Variants in PRKN observed in about 807,000 individuals in gnomAD.
PRKN encodes E3 ubiquitin-protein ligase parkin.
In PRKN, 56 loss-of-function variants were observed where a neutral mutation model predicts 59.5. The ratio of observed to expected loss-of-function variants is 0.94; its 90% confidence interval spans 0.76 to 1.18. The LOEUF (loss-of-function observed/expected upper bound fraction) is 1.18. Among genes scored for constraint, PRKN ranks in the 50% most tolerant of loss-of-function variants. PRKN has a pLI of 0.00. For synonymous variants in PRKN, 250 were observed against 222.1 expected (o/e 1.13, Z -1.12); for missense variants, 657 against 596.4 (o/e 1.10, Z -1.06).
intron 5 of PRKN, among the ~76,000 whole-genome samples, chr6:162,046,359 C>T (rs1185056162): frequency 6.6e-6 from 1 of 152,182 alleles, no homozygotes; most frequent in Non-Finnish European, 1.5e-5. Flanking sequence ...AAGTGCGATA[C>T]AAACTATAGA....
Position 161,703,839 on chromosome 6 carries a change from CTTTTTTTTTTTTTTT to C in PRKN, c.871+81918_871+81932del, listed in dbSNP as rs71004062. ...CACACATCTCTCTCTCTCTCTCTCT[CTTTTTTTTTTTTTTT>C]TTTTTTTTTTTTTTTTTTTTTTACA... On this transcript the variant is annotated intron_variant, in intron 7 of 11. Coordinates refer to ENST00000366898, the MANE Select transcript of PRKN (RefSeq NM_004562.3). 9.2e-3 allele frequency among the ~76,000 whole-genome samples: 553 copies of C among 59,858 alleles called. 8 individuals are homozygous for C. Among genetic ancestry groups the C allele is most frequent in the African/African-American group, 0.029 (489 of 16,792 alleles). The allele number at this position is 59,858 out of a possible 152,430, so 39.3% of individuals were successfully genotyped here. A position where few individuals can be genotyped will look rare whatever the true frequency, so the allele number is the denominator to read the frequency against.
chr6:161,547,478 C>A lies in PRKN; in HGVS notation c.1083+1376G>T, dbSNP rs1036779377. Among the ~76,000 whole-genome samples, 1 of 152,196 alleles carries A rather than the reference C, an allele frequency of 6.6e-6. No individual in the cohort carries two copies. Among genetic ancestry groups the A allele is most frequent in the Admixed American group, 6.5e-5 (1 of 15,280 alleles). On this transcript the variant is annotated intron_variant, in intron 9 of 11. Transcript: ENST00000366898. The surrounding 1 kb of genome is among the most constrained non-coding windows in gnomAD (Gnocchi z 4.0). ...TTCAACATTCTTAAAGCAAGGTCAA[C>A]AACCAAATGCAAAAGATGGGCCAGC...
rs970641123 is a variant in PRKN at position 161,480,285 on chromosome 6, A to T, written c.1083+68569T>A. Among the ~76,000 whole-genome samples, 2 of 152,126 alleles carry T rather than the reference A, an allele frequency of 1.3e-5. No individual in the cohort carries two copies. Among genetic ancestry groups the T allele is most frequent in the Non-Finnish European group, 2.9e-5 (2 of 68,002 alleles). ...TTCAAGATATTAGCAGTAGAGCCTC[A>T]AACTCTGGGGGGCCCTGTGAGTATG... On this transcript the variant is annotated intron_variant, in intron 9 of 11. Transcript: ENST00000366898. This position sits in a 1 kb window ranked among gnomAD's most constrained non-coding sequence, Gnocchi z 4.1.
At chr6:162,568,672 C>T in intron 1 of PRKN, 1 of 891,442 alleles carries the variant, frequency 1.1e-6, no homozygotes, top group Non-Finnish European at 1.9e-6. Flanking sequence ...ATGCTAGAGA[C>T]CAAGTGGAGC....
intron 9 of PRKN, among the ~76,000 whole-genome samples, chr6:161,509,903 AG>A (rs67262460): frequency 0.43 from 48,154 of 112,880 alleles, 10,488 homozygotes; most frequent in Non-Finnish European, 0.52. Context: ...AAAAAAAAAA[AG>A]TTAAGCCACA....
rs1787438822 is a variant in PRKN at position 161,409,795 on chromosome 6, C to T, written c.1084-22918G>A. Among the ~76,000 whole-genome samples, 1 of 152,214 alleles carries T rather than the reference C, an allele frequency of 6.6e-6. No homozygotes were observed. Among genetic ancestry groups the T allele is most frequent in the Non-Finnish European group, 1.5e-5 (1 of 68,048 alleles). ...CCTGAAGAAAGCGCAGGCCCAGTGG[C>T]AGTCTGCCTTCTGTTAATTCCCAAG... On this transcript the variant is annotated intron_variant, in intron 9 of 11. Transcript: ENST00000366898. The surrounding 1 kb of genome is among the most constrained non-coding windows in gnomAD (Gnocchi z 4.6).
At chr6:162,407,540 C>T (rs1788133634) in intron 2 of PRKN, among the ~76,000 whole-genome samples, 1 of 152,154 alleles carries the variant, frequency 6.6e-6, no homozygotes, top group South Asian at 2.1e-4. Context: ...CCAAACTCAC[C>T]ATCTGATTTC....
chr6:161,831,581 C>A (rs966043893), intron 6 of PRKN, among the ~76,000 whole-genome samples: 1 of 152,152 alleles, frequency 6.6e-6, no homozygotes, highest in South Asian at 2.1e-4. Flanking sequence ...GTGAACTTGG[C>A]GAGGGAGCAC....
chr6:162,288,372 A>C (rs904144853), intron 2 of PRKN, among the ~76,000 whole-genome samples: 9 of 152,120 alleles, frequency 5.9e-5, no homozygotes, highest in Admixed American at 5.2e-4. Context: ...CACCCGTGTG[A>C]TTAGGTTACA....
intron 1 of PRKN, among the ~76,000 whole-genome samples, chr6:162,475,721 C>T (rs1009636017): frequency 1.3e-5 from 2 of 150,266 alleles, no homozygotes; most frequent in African/African-American, 2.5e-5. Context: ...TATTTATTTA[C>T]GCCTCTGGAA....
At chr6:161,863,124 T>C (rs911975424) in intron 6 of PRKN, among the ~76,000 whole-genome samples, 3 of 152,214 alleles carry the variant, frequency 2.0e-5, no homozygotes, top group Non-Finnish European at 4.4e-5. Context: ...TGAAAACTGT[T>C]TCTTGCCATT....
At chr6:162,707,562 G>A (rs533614602) in intron 1 of PRKN, among the ~76,000 whole-genome samples, 2 of 146,588 alleles carry the variant, frequency 1.4e-5, no homozygotes. Flanking sequence ...TCACATTAGA[G>A]AAACAGCATC....
chr6:161,908,904 T>G (rs1778250358), intron 6 of PRKN, among the ~76,000 whole-genome samples: 1 of 152,230 alleles, frequency 6.6e-6, no homozygotes, highest in African/African-American at 2.4e-5. Flanking sequence ...TGTTTTGACG[T>G]CCAAATGTAG....
At chr6:162,552,537 A>G (rs1030508866) in intron 1 of PRKN, among the ~76,000 whole-genome samples, 1 of 152,192 alleles carries the variant, frequency 6.6e-6, no homozygotes, top group Non-Finnish European at 1.5e-5. Context: ...ATGAGTTGTC[A>G]TTCACTGAGA....
chr6:161,975,339 C>T (rs1780986979), intron 5 of PRKN, among the ~76,000 whole-genome samples: 1 of 152,044 alleles, frequency 6.6e-6, no homozygotes, highest in Non-Finnish European at 1.5e-5. Context: ...GCCTTGGCCT[C>T]CCAAAGTGCT....
chr6:161,679,344 G>A (rs1184825568), intron 7 of PRKN, among the ~76,000 whole-genome samples: 6 of 152,118 alleles, frequency 3.9e-5, no homozygotes, highest in Admixed American at 2.6e-4. Flanking sequence ...GACTGGCCTG[G>A]AAGAAATCCT....
At chr6:161,963,137 C>T (rs187964777) in intron 6 of PRKN, among the ~76,000 whole-genome samples, 2 of 152,060 alleles carry the variant, frequency 1.3e-5, no homozygotes, top group East Asian at 2.0e-4. Context: ...GAGCGAAATT[C>T]CAAACTCTGT....
In PRKN at chr6:161,407,650, G is replaced by A. The variant is rs901933643; in HGVS notation, c.1084-20773C>T. 3.9e-5 allele frequency among the ~76,000 whole-genome samples: 6 copies of A among 152,266 alleles called. No homozygotes were observed. In the South Asian group the frequency reaches 1.2e-3, roughly 32 times the overall value. ...TCGAAGCTCAGCCATTATAACCCCT[G>A]TGACCTGCACATATACGTCCAGATG... On this transcript the variant is annotated intron_variant, in intron 9 of 11. Coordinates refer to ENST00000366898, the MANE Select transcript of PRKN (RefSeq NM_004562.3). The surrounding 1 kb of genome is among the most constrained non-coding windows in gnomAD (Gnocchi z 4.9).
chr6:162,632,959 C>G (rs1777561498), intron 1 of PRKN, among the ~76,000 whole-genome samples: 1 of 151,998 alleles, frequency 6.6e-6, no homozygotes, highest in Non-Finnish European at 1.5e-5. Context: ...AGTACAATCC[C>G]TTGTGAAAAT....
Sources: allele counts gnomAD v4.1 joint callset (sites outside exome capture counted in the v4.1 genomes callset), GRCh38; gene constraint gnomAD v4.1.1; non-coding constraint Gnocchi (gnomAD v3.1); transcripts MANE v1.5; gene names NCBI Gene and HGNC (gene_info 2026-07-23, HGNC 2026-07-21).